Variants in PECAM1 observed in about 807,000 individuals in gnomAD.
PECAM1 encodes the protein platelet endothelial cell adhesion molecule.
PECAM1 carries 8 observed loss-of-function variants against 13.8 expected under a neutral mutation model. The ratio of observed to expected loss-of-function variants is 0.58; its 90% CI spans 0.34 to 1.05. The LOEUF (loss-of-function observed/expected upper bound fraction) is 1.05. PECAM1 is among the 50% of genes least tolerant of loss of function. The pLI is 0.03. For synonymous variants in PECAM1, 136 were observed against 52.6 expected (o/e 2.58, Z -6.86); for missense variants, 304 against 141.2 (o/e 2.15, Z -5.84).
At chr17:64,387,337 G>C (rs914387723) in intron 2 of PECAM1, among the ~76,000 whole-genome samples, 108 of 152,232 alleles carry the variant, frequency 7.1e-4, no homozygotes, top group African/African-American at 2.2e-3. Context: ...TGAGAGGTGA[G>C]GTGGGTAGGC....
chr17:64,328,516 G>A (rs1436473958), intron 15 of PECAM1, among the ~76,000 whole-genome samples: 9 of 152,318 alleles, frequency 5.9e-5, no homozygotes, highest in South Asian at 2.1e-4. Flanking sequence ...CCAGTGACAC[G>A]ATAGTCTCTG....
chr17:64,347,437 A>C (rs2035597181), intron 13 of PECAM1, among the ~76,000 whole-genome samples: 1 of 150,684 alleles, frequency 6.6e-6, no homozygotes, highest in Non-Finnish European at 1.5e-5. Context: ...AGGCTGAGGC[A>C]GGAGAATCGC....
chr17:64,344,208 G>C (rs1330076837), intron 13 of PECAM1, among the ~76,000 whole-genome samples: 5 of 151,956 alleles, frequency 3.3e-5, no homozygotes, highest in African/African-American at 1.2e-4. Flanking sequence ...CTTCTTGGTG[G>C]AGCTTCTAGA....
At chr17:64,340,084 C>T (rs1289699898) in intron 14 of PECAM1, among the ~76,000 whole-genome samples, 7 of 152,022 alleles carry the variant, frequency 4.6e-5, no homozygotes, top group East Asian at 3.9e-4. Flanking sequence ...GGGTGTTGCA[C>T]GGAGTTGCAG....
rs1221989612 is a variant in PECAM1, at chr17:64,319,856, T to C, written c.*3960A>G. On this transcript the variant is annotated 3_prime_UTR_variant, in exon 16 of 16. Transcript: ENST00000563924. ...ACCAGATCAGGGTGTTTTGTATCTA[T>C]TGAGAGACTGTCCTTGCTTGGAGCT... 11 of 152,160 alleles carry C rather than the reference T, an allele frequency of 7.2e-5. No individual in the cohort carries two copies. The highest frequency in any genetic ancestry group is 2.7e-4 in the African/African-American group (11 of 41,444). 9.4% of individuals were successfully genotyped at this position (152,160 alleles called of 1,614,324 possible).
chr17:64,359,757 G>A (rs965703893), intron 7 of PECAM1, among the ~76,000 whole-genome samples: 4 of 49,994 alleles, frequency 8.0e-5, no homozygotes, highest in African/African-American at 1.1e-4. Context: ...TACTTCTCTC[G>A]CTTTTTTTTT....
At chr17:64,384,602 C>T (rs2036552787) in intron 2 of PECAM1, among the ~76,000 whole-genome samples, 2 of 152,182 alleles carry the variant, frequency 1.3e-5, no homozygotes, top group South Asian at 2.1e-4. Flanking sequence ...GGATGAGGAA[C>T]TAAGGCCTCC....
At chr17:64,345,787 T>C (rs1162479315) in intron 13 of PECAM1, among the ~76,000 whole-genome samples, 1 of 150,422 alleles carries the variant, frequency 6.6e-6, no homozygotes, top group African/African-American at 2.4e-5. Flanking sequence ...AGGTCCAGTC[T>C]AGACTTGGAA....
intron 14 of PECAM1, 122 bp downstream of exon 14, chr17:64,341,512 G>GT: frequency 2.5e-6 from 1 of 406,378 alleles, no homozygotes; most frequent in Non-Finnish European, 4.5e-6. Context: ...CAGCGCTGGT[G>GT]TAAGAGGTGG....
intron 15 of PECAM1, among the ~76,000 whole-genome samples, chr17:64,326,411 C>T (rs782556109): frequency 2.0e-5 from 3 of 152,222 alleles, no homozygotes; most frequent in East Asian, 1.9e-4. Context: ...GATGCAGGGC[C>T]GAGGTGCCCC....
At chr17:64,353,304 GGTACACACACAC>G (rs1194816508) in intron 10 of PECAM1, among the ~76,000 whole-genome samples, 175 bp downstream of exon 10, 148 of 144,210 alleles carry the variant, frequency 1.0e-3, no homozygotes, top group Non-Finnish European at 1.2e-3. Flanking sequence ...CTTCCACGGA[GGTACACACACAC>G]ACACACACAC....
chr17:64,324,277 C>T lies in PECAM1; in HGVS notation c.2188-432G>A, dbSNP rs1376053780. Among the ~76,000 whole-genome samples, 10 of 152,166 alleles carry T rather than the reference C, an allele frequency of 6.6e-5. No homozygotes were observed. In the East Asian group the frequency reaches 1.9e-3, roughly 29 times the overall value. ...AGACCTCAGGAGACCACTTCTTTAG[C>T]AAGCAATTTTTTTTAGATGGATTCT... On this transcript the variant is annotated intron_variant, in intron 15 of 15. Transcript: ENST00000563924.
At chr17:64,367,563 A>AAAAAG in intron 5 of PECAM1, among the ~76,000 whole-genome samples, 1 of 151,916 alleles carries the variant, frequency 6.6e-6, no homozygotes, top group African/African-American at 2.4e-5. Context: ...AAAAAAAAAA[A>AAAAAG]AAAAGAAAAG....
intron 14 of PECAM1, among the ~76,000 whole-genome samples, chr17:64,340,434 T>C (rs1306367905): frequency 1.3e-5 from 2 of 152,204 alleles, no homozygotes; most frequent in Admixed American, 6.5e-5. Context: ...ACCATTTTAA[T>C]GATTCCCTTT....
intron 4 of PECAM1, among the ~76,000 whole-genome samples, chr17:64,372,958 T>C (rs1286387659): frequency 6.6e-6 from 1 of 150,600 alleles, no homozygotes; most frequent in Non-Finnish European, 1.5e-5. Flanking sequence ...CAACTAAAAA[T>C]ACAAAATTAG....
At chr17:64,332,660 C>T (rs529223788) in intron 14 of PECAM1, among the ~76,000 whole-genome samples, 1 of 152,322 alleles carries the variant, frequency 6.6e-6, no homozygotes, top group African/African-American at 2.4e-5. Flanking sequence ...GGGACTGATC[C>T]TCAAGTGCTC....
chr17:64,365,393 C>T (rs57378686), intron 5 of PECAM1, among the ~76,000 whole-genome samples: 6,892 of 151,372 alleles, frequency 0.046, 515 homozygotes, highest in African/African-American at 0.16. Context: ...AATGGCCATA[C>T]TGCCCAAGGT....
intron 14 of PECAM1, 85 bp from the exon 15 acceptor site, chr17:64,329,807 G>C: frequency 1.4e-6 from 1 of 725,514 alleles, no homozygotes; most frequent in Non-Finnish European, 2.6e-6. Flanking sequence ...TCAGGAGCAG[G>C]TCGAGAAAAG....
chr17:64,373,836 A>G (rs2036296398), intron 4 of PECAM1, among the ~76,000 whole-genome samples: 6 of 152,096 alleles, frequency 3.9e-5, no homozygotes, highest in Admixed American at 3.9e-4. Flanking sequence ...ATATTTGCAA[A>G]TATCTACATG....
Sources: gnomAD v4.1 joint callset for allele counts (sites outside exome capture counted in the v4.1 genomes callset) on GRCh38, gnomAD v4.1.1 for gene constraint, MANE v1.5 for transcripts, NCBI Gene and HGNC (gene_info 2026-07-23, HGNC 2026-07-21) for gene names.